The following STAB1 variants were observed in gnomAD, a reference collection of about 807,000 sequenced individuals.
STAB1 encodes stabilin-1.
In STAB1, 250 loss-of-function variants were observed where a neutral mutation model predicts 332.4. The observed-to-expected ratio is 0.75, with a 90% CI of 0.68 to 0.84. The LOEUF (loss-of-function observed/expected upper bound fraction) is 0.84. STAB1 is among the 40% of genes least tolerant of loss of function. The probability of loss-of-function intolerance (pLI) is 0.00; values close to 1 mark genes in which losing one functional copy is unlikely to be tolerated. For missense variants in STAB1, 3,249 were observed against 3,489.7 expected (o/e 0.93, Z 1.74); for synonymous variants, 1,475 against 1,390.4 (o/e 1.06, Z -1.35).
Position 52,508,378 on chromosome 3 carries a change from TG to T in STAB1, c.2235+23del. 1.2e-6 allele frequency: 2 copies of T among 1,611,362 alleles called. No individual in the cohort carries two copies. The highest frequency in any genetic ancestry group is 8.5e-7 in the Non-Finnish European group (1 of 1,178,504). On this transcript the variant is annotated intron_variant, in intron 21 of 68. Transcript: ENST00000321725. Reference sequence around the variant, plus strand: ...AGGCAATGTGAGTCCCATCCTCTCCTGGGGTGAGGTATGGGGAACACAAGGA... The same window carrying T: ...AGGCAATGTGAGTCCCATCCTCTCCTGGGTGAGGTATGGGGAACACAAGGA...
rs778572255 is a variant in STAB1 at position 52,502,032 on chromosome 3, T to A, written c.358T>A (p.Cys120Ser). Reference sequence around the variant, plus strand: ...ATGCCCTGGGGGCGCTGAGACCCCATGCAATGGCCACGGGACCTGCTTGGA... The same window carrying A: ...ATGCCCTGGGGGCGCTGAGACCCCAAGCAATGGCCACGGGACCTGCTTGGA... ...HECPGGAETP[C>S]NGHGTCLDGM... The change falls in exon 4 of 69, where the codon TGC (cysteine) becomes AGC (serine). Residue 120 changes from cysteine to serine, a missense_variant. Physicochemically the swap from Cys to Ser is moderately radical, Grantham distance 112. Transcript: ENST00000321725. 1.2e-6 allele frequency: 2 copies of A among 1,613,052 alleles called. No individual in the cohort carries two copies. The highest frequency in any genetic ancestry group is 1.7e-6 in the Non-Finnish European group (2 of 1,179,990).
chr3:52,500,589 C>T (rs1336226559), intron 1 of STAB1, among the ~76,000 whole-genome samples: 3 of 152,240 alleles, frequency 2.0e-5, no homozygotes, highest in Admixed American at 2.0e-4. Context: ...GGAGGTCCAG[C>T]CCCACGGTGC....
intron 2 of STAB1, 142 bp from the exon 3 acceptor site, chr3:52,501,496 G>T: frequency 9.3e-7 from 1 of 1,075,658 alleles, no homozygotes. Context: ...TGGGGCACCT[G>T]CTATGTGCTA....
Position 52,513,233 on chromosome 3 carries a change from A to C in STAB1, c.3262A>C (p.Ile1088Leu). Reference protein sequence around the residue: ...NPTTRWEIRNISGRVWVQNAS... With the variant: ...NPTTRWEIRNLSGRVWVQNAS... ...CACCACACGCTGGGAGATTCGCAAC[A>C]TTAGTGGGGTATGTGGTGAACTCTG... Residue 1088 changes from isoleucine (I) to leucine (L), a missense_variant, in exon 30 of 69, where the codon ATT becomes CTT. Ile to Leu is a conservative substitution (Grantham distance 5). Transcript: ENST00000321725. 1.3e-6 allele frequency: 2 copies of C among 1,577,646 alleles called. No homozygotes were observed. Among genetic ancestry groups the C allele is most frequent in the South Asian group, 2.3e-5 (2 of 86,020 alleles).
rs1469598488 is a variant in STAB1, at chr3:52,503,385, C to T, written c.736C>T (p.Gln246Ter). ...CWPSPCSLLA[Q>*]CSVSPKGQAQ... is the part of the protein sequence containing the mutation. ...GCCATCACCCTGCTCACTGCTGGCC[C>T]AGTGCTCGGTGAGCCCCAAGGGGCA... Residue 246 changes from glutamine (Q) to a stop codon, truncating the protein, a stop_gained, in exon 8 of 69, where the codon CAG (glutamine) becomes TAG (stop). Coordinates refer to ENST00000321725, the MANE Select transcript of STAB1 (RefSeq NM_015136.3). LOFTEE classifies it high-confidence loss of function. 6.2e-7 allele frequency: 1 copy of T among 1,613,506 alleles called. No homozygotes were observed.
In STAB1 at chr3:52,517,095, G is replaced by A; in HGVS notation, c.4475G>A (p.Gly1492Glu). 1 of 1,564,018 alleles carries A rather than the reference G, an allele frequency of 6.4e-7. No individual in the cohort carries two copies. The highest frequency in any genetic ancestry group is 1.4e-5 in the African/African-American group (1 of 73,590). ...TGCCAGGATGGCTACATGGGCGACGGGGAGCTGTGCCAGGGTGAGACTAGG... is the reference window on the plus strand; with the variant it reads ...TGCCAGGATGGCTACATGGGCGACGAGGAGCTGTGCCAGGGTGAGACTAGG... Reference protein sequence around the residue: ...CTCQDGYMGDGELCQEINSCL... With the variant: ...CTCQDGYMGDEELCQEINSCL... The change falls in exon 42 of 69, where the codon GGG (glycine) becomes GAG (glutamate). Residue 1492 changes from glycine (G) to glutamate (E), a missense_variant. By Grantham distance (98) the Gly-to-Glu change is moderately conservative. Coordinates refer to ENST00000321725, the MANE Select transcript of STAB1 (RefSeq NM_015136.3).
At position 52,503,816 on chromosome 3, in the gene STAB1, C is replaced by A. The variant is rs754567950; in HGVS notation, c.936C>A (p.Asn312Lys). The A allele has an allele frequency of 1.2e-6, 2 of 1,613,154 alleles. No individual in the cohort carries two copies. Among genetic ancestry groups the A allele is most frequent in the South Asian group, 2.2e-5 (2 of 91,092 alleles). ...CRPGLVSINS[N>K]ASAGCFAFCS... Reference sequence around the variant, plus strand: ...CAGGCCTGGTCAGCATCAACAGCAACGCTTCTGCGGGCTGCTTCGCCTTCT... The same window carrying A: ...CAGGCCTGGTCAGCATCAACAGCAAAGCTTCTGCGGGCTGCTTCGCCTTCT... Residue 312 changes from asparagine (N) to lysine (K), a missense_variant, in exon 9 of 69, where the codon AAC (asparagine) becomes AAA (lysine). Coordinates refer to ENST00000321725, the MANE Select transcript of STAB1 (RefSeq NM_015136.3).
rs778275182 is a variant in STAB1, at chr3:52,503,822, T to A, written c.942T>A (p.Ser314=). The change falls in exon 9 of 69, where the codon TCT becomes TCA. Residue 314 remains serine, a synonymous_variant. Transcript: ENST00000321725. The part of the protein sequence containing the change: ...PGLVSINSNA[S]AGCFAFCSPF... ...TGGTCAGCATCAACAGCAACGCTTC[T>A]GCGGGCTGCTTCGCCTTCTGCTCCC... is the stretch of plus-strand genomic sequence containing the variant. 1 of 1,613,132 alleles carries A rather than the reference T, an allele frequency of 6.2e-7. No individual in the cohort carries two copies. The highest frequency in any genetic ancestry group is 1.3e-5 in the African/African-American group (1 of 74,940).
At chr3:52,518,188 C>A in intron 45 of STAB1, 124 bp from the exon 46 acceptor site, 1 of 1,528,316 alleles carries the variant, frequency 6.5e-7, no homozygotes, top group Non-Finnish European at 8.9e-7. Context: ...GACCCCAACT[C>A]AGACCCCGCG....
At chr3:52,501,138 C>T in intron 1 of STAB1, 28 bp from the exon 2 acceptor site, 1 of 1,607,912 alleles carries the variant, frequency 6.2e-7, no homozygotes, top group South Asian at 1.1e-5. Context: ...GGTCCAGGCC[C>T]CTGACCACAC....
chr3:52,506,340 T>C, intron 17 of STAB1, 90 bp downstream of exon 17: 1 of 1,226,546 alleles, frequency 8.2e-7, no homozygotes, highest in Non-Finnish European at 1.2e-6. Flanking sequence ...CCGAGCCCCG[T>C]GGTGGGCAGG....
At position 52,503,110 on chromosome 3, in the gene STAB1, G is replaced by A. The variant is rs1374899537; in HGVS notation, c.694+1G>A. The stretch of plus-strand genomic sequence containing the variant: ...ACACAGCAGGGCAGTGAATGCCGAG[G>A]TGAGCCTGGACTCAGAGGCCAGGGA... On this transcript the variant is annotated splice_donor_variant, in intron 7 of 68. Coordinates refer to ENST00000321725, the MANE Select transcript of STAB1 (RefSeq NM_015136.3). LOFTEE classifies it high-confidence loss of function. 5 of 1,583,138 alleles carry A rather than the reference G, an allele frequency of 3.2e-6. No homozygotes were observed. The highest frequency in any genetic ancestry group is 1.2e-5 in the South Asian group (1 of 86,596).
At chr3:52,517,169 G>A (rs898822619) in intron 42 of STAB1, 60 bp downstream of exon 42, 5 of 1,511,988 alleles carry the variant, frequency 3.3e-6, no homozygotes, top group Non-Finnish European at 4.4e-6. Context: ...TCAGTGATCT[G>A]AGTCAGATTA....
intron 63 of STAB1, 27 bp from the exon 64 acceptor site, chr3:52,523,195 C>T (rs766676271): frequency 2.5e-6 from 4 of 1,612,614 alleles, no homozygotes; most frequent in African/African-American, 2.7e-5. Context: ...GGAGCCTGCT[C>T]ATAGTTCTGT....
In STAB1 at chr3:52,502,152, C is replaced by T; in HGVS notation, c.418-7C>T. On this transcript the variant is annotated splice_region_variant and splice_polypyrimidine_tract_variant and intron_variant, in intron 4 of 68. Transcript: ENST00000321725. Reference sequence around the variant, plus strand: ...GGGCCACGCTGACTTGGTGCATCCACCACCAGGAAAACTTCCGCGGCTCAG... The same window carrying T: ...GGGCCACGCTGACTTGGTGCATCCATCACCAGGAAAACTTCCGCGGCTCAG... The T allele has an allele frequency of 6.2e-7, 1 of 1,613,584 alleles. No homozygotes were observed. The highest frequency in any genetic ancestry group is 8.5e-7 in the Non-Finnish European group (1 of 1,180,006).
At chr3:52,516,860 CTCACTG>C (rs2078885211) in intron 41 of STAB1, 92 bp downstream of exon 41, 1 of 1,597,598 alleles carries the variant, frequency 6.3e-7, no homozygotes, top group Non-Finnish European at 8.5e-7. Flanking sequence ...CCCAGCCCCC[CTCACTG>C]TCCCATCTCA....
intron 17 of STAB1, 56 bp downstream of exon 17, chr3:52,506,306 C>T: frequency 6.7e-7 from 1 of 1,493,896 alleles, no homozygotes; most frequent in Non-Finnish European, 9.2e-7. Flanking sequence ...CAGCTGCCCA[C>T]TTGGCCTCTC....
rs913675036 is a variant in STAB1, at chr3:52,522,473, G to T, written c.6609G>T (p.Gln2203His). ...CCATGTGCACTGACCTGCACTTCCA[G>T]GGTGTGTCCCCCTGCCCACTCCCAG... ...SDAMCTDLHFQEKRAGVFHLQ... is the reference protein window; with the variant it reads ...SDAMCTDLHFHEKRAGVFHLQ... Residue 2203 changes from glutamine (Q) to histidine (H), a missense_variant and splice_region_variant, in exon 60 of 69, where the codon CAG (glutamine) becomes CAT (histidine). By Grantham distance (24) the Gln-to-His change is conservative. Transcript: ENST00000321725. 1.9e-6 allele frequency: 3 copies of T among 1,613,062 alleles called. No individual in the cohort carries two copies. The highest frequency in any genetic ancestry group is 1.3e-5 in the African/African-American group (1 of 74,944).
At position 52,511,664 on chromosome 3, in the gene STAB1, C is replaced by T; in HGVS notation, c.2802C>T (p.Cys934=). The change falls in exon 26 of 69, where the codon TGC becomes TGT. Residue 934 remains cysteine, a synonymous_variant. Coordinates refer to ENST00000321725, the MANE Select transcript of STAB1 (RefSeq NM_015136.3). ...AACCTTTCCAGAGCCGATGCACCTGCAAGCTGGGCTTTGCCGGGGATGGCT... is the reference window on the plus strand; with the variant it reads ...AACCTTTCCAGAGCCGATGCACCTGTAAGCTGGGCTTTGCCGGGGATGGCT... ...YVGPGQSRCT[C]KLGFAGDGYQ... is the part of the protein sequence containing the mutation. The T allele has an allele frequency of 1.9e-6, 3 of 1,610,684 alleles. No individual in the cohort carries two copies. Among genetic ancestry groups the T allele is most frequent in the Non-Finnish European group, 2.5e-6 (3 of 1,178,530 alleles).
Sources: gnomAD v4.1 joint callset for allele counts (sites outside exome capture counted in the v4.1 genomes callset) on GRCh38, gnomAD v4.1.1 for gene constraint, MANE v1.5 for transcripts, NCBI Gene and HGNC (gene_info 2026-07-23, HGNC 2026-07-21) for gene names.